Variants in NT5C2 observed in about 807,000 individuals in gnomAD.
NT5C2 encodes the protein 5'-nucleotidase, cytosolic II.
A neutral mutation model predicts 76.1 loss-of-function variants in NT5C2; 58 were observed. The ratio of observed to expected loss-of-function variants is 0.76; its 90% CI spans 0.62 to 0.95. NT5C2 has a LOEUF of 0.95. NT5C2 is among the 40% of genes least tolerant of loss of function. The pLI, the probability that NT5C2 is intolerant of heterozygous loss-of-function variation, is 0.00. For missense variants in NT5C2, 478 were observed against 690.3 expected, an observed-to-expected ratio of 0.69 and a Z score of 3.45; for synonymous variants, 229 against 237.4, an observed-to-expected ratio of 0.96 and a Z score of 0.32.
At chr10:103,181,519 T>C (rs1472901006) in intron 1 of NT5C2, among the ~76,000 whole-genome samples, 191 bp from the exon 2 acceptor site, 1 of 152,138 alleles carries the variant, frequency 6.6e-6, no homozygotes, top group East Asian at 1.9e-4. Flanking sequence ...CTGAATATTC[T>C]TTCCTTCAAA....
intron 4 of NT5C2, among the ~76,000 whole-genome samples, chr10:103,117,434 C>T (rs1020554701): frequency 6.6e-6 from 1 of 152,158 alleles, no homozygotes; most frequent in Non-Finnish European, 1.5e-5. Flanking sequence ...ACTGCTTGAG[C>T]CCAGCAGTTC....
intron 3 of NT5C2, among the ~76,000 whole-genome samples, chr10:103,162,751 T>C (rs946391041): frequency 1.3e-5 from 2 of 152,198 alleles, no homozygotes; most frequent in South Asian, 2.1e-4. Flanking sequence ...TTCAAGAACA[T>C]TTATAACAGC....
chr10:103,136,626 A>AT (rs71019660), intron 4 of NT5C2, among the ~76,000 whole-genome samples: 37,641 of 142,972 alleles, frequency 0.26, 4,979 homozygotes, highest in Middle Eastern at 0.33. Flanking sequence ...TCAGTTAATT[A>AT]TTTTTTTTTT....
chr10:103,150,101 C>T (rs2082146266), intron 3 of NT5C2, among the ~76,000 whole-genome samples: 2 of 152,146 alleles, frequency 1.3e-5, no homozygotes, highest in Admixed American at 1.3e-4. Context: ...CATTCACCCC[C>T]CTTAAATGAA....
chr10:103,153,259 A>C (rs1168086555), intron 3 of NT5C2: 1 of 1,271,764 alleles, frequency 7.9e-7, no homozygotes, highest in Non-Finnish European at 1.0e-6. Flanking sequence ...CACTGAGAAA[A>C]ATGAAAGAGA....
intron 3 of NT5C2, among the ~76,000 whole-genome samples, chr10:103,143,683 T>G (rs1464160284): frequency 7.4e-6 from 1 of 135,658 alleles, no homozygotes; most frequent in Non-Finnish European, 1.5e-5. Flanking sequence ...AGACCAGAAG[T>G]GGTGCCTCAC....
chr10:103,165,574 C>CT lies in NT5C2; in HGVS notation c.101+9283dup, dbSNP rs35898850. 3.0e-3 allele frequency among the ~76,000 whole-genome samples: 324 copies of CT among 109,258 alleles called. 2 individuals carry two copies. Among genetic ancestry groups the CT allele is most frequent in the African/African-American group, 8.3e-3 (248 of 29,786 alleles). 71.7% of individuals were successfully genotyped at this position (109,258 alleles called of 152,430 possible). A position where few individuals can be genotyped will look rare whatever the true frequency, so the allele number is the denominator to read the frequency against. ...TACAGGCGTGCACTACCACCTGTGGCTTTTTTTTTTTTTTTTTTTCTAGAA... is the reference window on the plus strand; with the variant it reads ...TACAGGCGTGCACTACCACCTGTGGCTTTTTTTTTTTTTTTTTTTTCTAGAA... On this transcript the variant is annotated intron_variant, in intron 3 of 18. Coordinates refer to ENST00000404739, the MANE Select transcript of NT5C2 (RefSeq NM_001351169.2).
At chr10:103,170,114 G>T (rs938902642) in intron 3 of NT5C2, among the ~76,000 whole-genome samples, 2 of 151,988 alleles carry the variant, frequency 1.3e-5, no homozygotes, top group South Asian at 2.1e-4. Flanking sequence ...GCTACAGAGC[G>T]AGACTCTGTC....
chr10:103,145,170 CTA>C (rs970266549), intron 3 of NT5C2, among the ~76,000 whole-genome samples: 6 of 152,228 alleles, frequency 3.9e-5, no homozygotes, highest in African/African-American at 1.2e-4. Flanking sequence ...AGTTATTTGG[CTA>C]TATATTCCAC....
At chr10:103,125,144 C>A in intron 4 of NT5C2, 1 of 549,104 alleles carries the variant, frequency 1.8e-6, no homozygotes, top group Non-Finnish European at 3.3e-6. Context: ...ATTACTCTAC[C>A]ATTTTTCTAG....
At chr10:103,184,388 C>T (rs773749178) in intron 1 of NT5C2, among the ~76,000 whole-genome samples, 2 of 152,198 alleles carry the variant, frequency 1.3e-5, no homozygotes, top group Non-Finnish European at 1.5e-5. Flanking sequence ...CAACAGTTAA[C>T]AAACTCCAAC....
intron 4 of NT5C2, among the ~76,000 whole-genome samples, chr10:103,133,333 T>C (rs1052380370): frequency 2.6e-5 from 4 of 152,112 alleles, no homozygotes; most frequent in African/African-American, 9.7e-5. Context: ...AGTGGCACGA[T>C]GTCAGCTCAC....
intron 3 of NT5C2, among the ~76,000 whole-genome samples, chr10:103,166,713 C>T (rs758876008): frequency 6.7e-6 from 1 of 149,392 alleles, no homozygotes; most frequent in Non-Finnish European, 1.5e-5. Context: ...AGTGCAATGG[C>T]GCAATCAAAA....
At chr10:103,165,625 T>A (rs956176160) in intron 3 of NT5C2, among the ~76,000 whole-genome samples, 1 of 133,896 alleles carries the variant, frequency 7.5e-6, no homozygotes, top group African/African-American at 2.8e-5. Flanking sequence ...GTTGCCAGAA[T>A]CTCAAACTCT....
intron 14 of NT5C2, 112 bp from the exon 15 acceptor site, chr10:103,093,421 A>G (rs2067396172): frequency 2.1e-6 from 2 of 946,630 alleles, no homozygotes; most frequent in African/African-American, 3.4e-5. Flanking sequence ...TGAGGAACAG[A>G]CTAGGAAGAA....
At position 103,116,564 on chromosome 10, in the gene NT5C2, A is replaced by G. The variant is rs117522675; in HGVS notation, c.176-9858T>C. Among the ~76,000 whole-genome samples the G allele has an allele frequency of 1.6e-3, 237 of 149,870 alleles. 8 individuals carry two copies. In the East Asian group the frequency reaches 0.042, roughly 26 times the overall value. ...AGGCTTCCAAATTAAGGGCTGCTTC[A>G]GATTTTTTTCTTTTTTTTTTTTCTT... On this transcript the variant is annotated intron_variant, in intron 4 of 18. Transcript: ENST00000404739.
chr10:103,133,040 G>A (rs757950989), intron 4 of NT5C2, among the ~76,000 whole-genome samples: 6 of 152,182 alleles, frequency 3.9e-5, no homozygotes, highest in East Asian at 1.9e-4. Flanking sequence ...GAATTTGCAC[G>A]TGTTGTGGGA....
chr10:103,187,465 T>C (rs1235494591), intron 1 of NT5C2, among the ~76,000 whole-genome samples: 2 of 150,860 alleles, frequency 1.3e-5, no homozygotes, highest in African/African-American at 4.9e-5. Context: ...AGGCAGAGAA[T>C]TGCTTGAACC....
chr10:103,172,199 T>C (rs1484040377), intron 3 of NT5C2, among the ~76,000 whole-genome samples: 1 of 151,842 alleles, frequency 6.6e-6, no homozygotes, highest in Non-Finnish European at 1.5e-5. Context: ...GCAAAGACTC[T>C]GTCTCAAAAA....
Sources: allele counts gnomAD v4.1 joint callset (sites outside exome capture counted in the v4.1 genomes callset), GRCh38; gene constraint gnomAD v4.1.1; transcripts MANE v1.5; gene names NCBI Gene and HGNC (gene_info 2026-07-23, HGNC 2026-07-21).